Variants in MGST1 observed in about 807,000 individuals in gnomAD.
The protein encoded by MGST1 is glutathione S-transferase 12.
A neutral mutation model predicts 8.9 loss-of-function variants in MGST1; 5 were observed. That is an observed-to-expected ratio of 0.56 (90% CI 0.29 to 1.19). MGST1 has a LOEUF of 1.19. MGST1 is among the 50% of genes most tolerant of loss of function. The probability of loss-of-function intolerance (pLI) is 0.08; values close to 1 mark genes in which losing one functional copy is unlikely to be tolerated. For synonymous variants in MGST1, 54 were observed against 67.8 expected (o/e 0.80, Z 1.00); for missense variants, 182 against 187.4 (o/e 0.97, Z 0.17).
intron 4 of MGST1, among the ~76,000 whole-genome samples, chr12:16,461,946 A>T (rs1941224608): frequency 6.6e-6 from 1 of 152,122 alleles, no homozygotes; most frequent in Non-Finnish European, 1.5e-5. Context: ...ATAAAGTATG[A>T]CACTGAATTC....
chr12:16,590,303 ACT>A (rs1943450839), downstream of MGST1, among the ~76,000 whole-genome samples: 2 of 152,022 alleles, frequency 1.3e-5, no homozygotes, highest in African/African-American at 4.8e-5. Context: ...GCATAAACAA[ACT>A]CTCATGTAAC....
In MGST1 at chr12:16,536,041, T is replaced by C. The variant is rs189405173; in HGVS notation, n.483-53487T>C. Among the ~76,000 whole-genome samples the C allele has an allele frequency of 9.5e-4, 144 of 151,712 alleles. 1 individual carries two copies. The highest frequency in any genetic ancestry group is 1.9e-3 in the Non-Finnish European group (128 of 67,926). On this transcript the variant is annotated intron_variant and non_coding_transcript_variant, in intron 4 of 4. Coordinates refer to the MGST1 transcript ENST00000538857. The stretch of plus-strand genomic sequence containing the variant: ...CCATTGGAAGGGTTATTTAGTCTCC[T>C]CCTAAAGCCTGAGTAGAATCTCAGT...
At chr12:16,381,358 T>G (rs1391932635), downstream of MGST1, among the ~76,000 whole-genome samples, 1 of 152,200 alleles carries the variant, frequency 6.6e-6, no homozygotes, top group African/African-American at 2.4e-5. Context: ...CTCTCAGCAT[T>G]TGCTTGTCTG....
At chr12:16,445,571 T>A (rs1050520852) in intron 4 of MGST1, among the ~76,000 whole-genome samples, 4 of 151,986 alleles carry the variant, frequency 2.6e-5, no homozygotes, top group African/African-American at 9.7e-5. Flanking sequence ...TGTAAATGTA[T>A]GTTGTCCATT....
At chr12:16,432,082 T>G (rs982592585) in intron 1 of MGST1, among the ~76,000 whole-genome samples, 1 of 152,186 alleles carries the variant, frequency 6.6e-6, no homozygotes, top group Non-Finnish European at 1.5e-5. Context: ...TGTTATCTGC[T>G]TTTAATAGTG....
chr12:16,431,758 T>C (rs983336776), intron 1 of MGST1, among the ~76,000 whole-genome samples: 2 of 152,174 alleles, frequency 1.3e-5, no homozygotes, highest in Admixed American at 6.5e-5. Flanking sequence ...ATGCATGCTG[T>C]TGGGAAAATT....
At chr12:16,464,014 G>A (rs1941238586) in intron 4 of MGST1, among the ~76,000 whole-genome samples, 1 of 152,210 alleles carries the variant, frequency 6.6e-6, no homozygotes, top group Admixed American at 6.5e-5. Flanking sequence ...GGACTCAGTA[G>A]GCTGGGTTCG....
chr12:16,400,608 C>G, intron 1 of MGST1: 3 of 1,154,108 alleles, frequency 2.6e-6, no homozygotes, highest in Non-Finnish European at 3.9e-6. Context: ...GTTCCCCGGT[C>G]ATCGTATGAC....
intron 1 of MGST1, among the ~76,000 whole-genome samples, chr12:16,411,567 A>G (rs561594160): frequency 6.6e-6 from 1 of 152,258 alleles, no homozygotes; most frequent in Non-Finnish European, 1.5e-5. Context: ...AGCATAGGTA[A>G]TTCATTCTAA....
intron 4 of MGST1, among the ~76,000 whole-genome samples, chr12:16,515,863 A>C (rs1941610454): frequency 1.3e-5 from 2 of 152,064 alleles, no homozygotes; most frequent in African/African-American, 2.4e-5. Flanking sequence ...CATGAGTCAG[A>C]CGCACAGGCT....
intron 4 of MGST1, among the ~76,000 whole-genome samples, chr12:16,557,805 G>C (rs1218906387): frequency 6.6e-6 from 1 of 151,990 alleles, no homozygotes; most frequent in Non-Finnish European, 1.5e-5. Context: ...CAAATTCAGA[G>C]AGATTAAGTA....
At chr12:16,543,273 A>C (rs1479353441) in intron 4 of MGST1, among the ~76,000 whole-genome samples, 1 of 152,168 alleles carries the variant, frequency 6.6e-6, no homozygotes, top group Non-Finnish European at 1.5e-5. Context: ...AGACACATAC[A>C]TGGAACTCAA....
At chr12:16,427,738 G>A (rs775970593) in intron 1 of MGST1, among the ~76,000 whole-genome samples, 2 of 151,968 alleles carry the variant, frequency 1.3e-5, no homozygotes, top group Non-Finnish European at 2.9e-5. Context: ...CTTGATACTG[G>A]CTATTGAGCT....
At chr12:16,412,733 T>A (rs2137075684) in intron 1 of MGST1, among the ~76,000 whole-genome samples, 1 of 152,324 alleles carries the variant, frequency 6.6e-6, no homozygotes, top group Non-Finnish European at 1.5e-5. Flanking sequence ...GATGTGCCTT[T>A]GCTCTTCCTT....
chr12:16,431,480 A>C (rs1940939716), intron 1 of MGST1, among the ~76,000 whole-genome samples: 1 of 151,816 alleles, frequency 6.6e-6, no homozygotes, highest in African/African-American at 2.4e-5. Context: ...TTGAACTCTC[A>C]GAGGCCATTG....
At chr12:16,572,486 T>C (rs1942850753) in intron 4 of MGST1, among the ~76,000 whole-genome samples, 1 of 150,044 alleles carries the variant, frequency 6.7e-6, no homozygotes, top group Non-Finnish European at 1.5e-5. Context: ...TTAGGACTTA[T>C]TATTTGAAGT....
chr12:16,409,144 T>C (rs1940719712), intron 1 of MGST1, among the ~76,000 whole-genome samples: 1 of 152,176 alleles, frequency 6.6e-6, no homozygotes, highest in African/African-American at 2.4e-5. Context: ...TTCTTTCTGA[T>C]TTTTGTTTAT....
At chr12:16,372,259 G>C (rs550837685) in intron 3 of MGST1, among the ~76,000 whole-genome samples, 1 of 151,984 alleles carries the variant, frequency 6.6e-6, no homozygotes, top group Non-Finnish European at 1.5e-5. Context: ...AAATGGGAGA[G>C]AAAATATTTG....
chr12:16,535,927 A>G (rs982580523), intron 4 of MGST1, among the ~76,000 whole-genome samples: 2 of 152,306 alleles, frequency 1.3e-5, no homozygotes, highest in South Asian at 4.1e-4. Flanking sequence ...GTTGATAAGC[A>G]TTTTTTATCT....
Sources: allele counts gnomAD v4.1 joint callset (sites outside exome capture counted in the v4.1 genomes callset), GRCh38; gene constraint gnomAD v4.1.1; transcripts MANE v1.5; gene names NCBI Gene and HGNC (gene_info 2026-07-23, HGNC 2026-07-21).